The following TRIM71 variants were observed in gnomAD, a reference collection of about 807,000 sequenced individuals.
The protein encoded by TRIM71 is tripartite motif containing 71.
Under a neutral mutation model 61.2 loss-of-function variants are expected in TRIM71, and 9 were observed. That is an observed-to-expected ratio of 0.15 (90% CI 0.09 to 0.26). TRIM71 has a LOEUF of 0.26. TRIM71 is among the 10% of genes least tolerant of loss of function. The probability of loss-of-function intolerance (pLI) is 1.00; values close to 1 mark genes in which losing one functional copy is unlikely to be tolerated. For synonymous variants in TRIM71, 645 were observed against 553.2 expected, an observed-to-expected ratio of 1.17 and a Z score of -2.33; for missense variants, 998 against 1,238.7, an observed-to-expected ratio of 0.81 and a Z score of 2.92.
intron 1 of TRIM71, among the ~76,000 whole-genome samples, chr3:32,872,059 A>T (rs1267495535): frequency 6.6e-6 from 1 of 152,152 alleles, no homozygotes; most frequent in Non-Finnish European, 1.5e-5. Flanking sequence ...AGGCAGGAGA[A>T]TGGCATGAAC....
chr3:32,870,615 C>T (rs1029074810), intron 1 of TRIM71, among the ~76,000 whole-genome samples: 1 of 152,132 alleles, frequency 6.6e-6, no homozygotes, highest in Non-Finnish European at 1.5e-5. Context: ...CTGTTCTGAC[C>T]AGGATTTTTT....
At position 32,890,156 on chromosome 3, in the gene TRIM71, T is replaced by C. The variant is rs1348238096; in HGVS notation, c.1156-204T>C. ...ATAGTTGTCCTGTTTCTAGTAACTA[T>C]CCTCTGTAACCCAGAACAGTTCTTC... On this transcript the variant is annotated intron_variant, in intron 3 of 3. Coordinates refer to ENST00000383763, the MANE Select transcript of TRIM71 (RefSeq NM_001039111.3). This position sits in a 1 kb window ranked among gnomAD's most constrained non-coding sequence, Gnocchi z 6.2. Among the ~76,000 whole-genome samples, 1 of 152,222 alleles carries C rather than the reference T, an allele frequency of 6.6e-6. No individual in the cohort carries two copies. Among genetic ancestry groups the C allele is most frequent in the Admixed American group, 6.5e-5 (1 of 15,282 alleles).
intron 1 of TRIM71, among the ~76,000 whole-genome samples, chr3:32,827,282 T>G (rs1278541572): frequency 6.6e-6 from 1 of 151,242 alleles, no homozygotes; most frequent in Non-Finnish European, 1.5e-5. Flanking sequence ...TTTTTTTTTT[T>G]GGGTGGAGTC....
chr3:32,832,869 G>A (rs1006832794), intron 1 of TRIM71, among the ~76,000 whole-genome samples: 8 of 151,978 alleles, frequency 5.3e-5, no homozygotes, highest in Non-Finnish European at 1.2e-4. Context: ...TTAATTAATA[G>A]GTAATATAAA....
At chr3:32,821,852 C>G (rs1030871742) in intron 1 of TRIM71, among the ~76,000 whole-genome samples, 11 of 151,742 alleles carry the variant, frequency 7.2e-5, no homozygotes, top group East Asian at 1.9e-4. Flanking sequence ...GAGCCTGCCT[C>G]GGCTCTGGGG....
At chr3:32,851,424 T>C (rs1696537277) in intron 1 of TRIM71, among the ~76,000 whole-genome samples, 1 of 152,212 alleles carries the variant, frequency 6.6e-6, no homozygotes, top group African/African-American at 2.4e-5. Context: ...AGCGTTGTCC[T>C]CCTCACCTTT....
intron 1 of TRIM71, among the ~76,000 whole-genome samples, chr3:32,839,666 G>A (rs570631756): frequency 2.2e-5 from 3 of 136,752 alleles, no homozygotes; most frequent in African/African-American, 7.9e-5. Context: ...TTTTTTGGGG[G>A]GGGGGTGGGG....
At position 32,833,184 on chromosome 3, in the gene TRIM71, TAAAAAAA is replaced by T. The variant is rs1182178339; in HGVS notation, c.852+14274_852+14280del. 1.1e-3 allele frequency among the ~76,000 whole-genome samples: 62 copies of T among 54,432 alleles called. 2 individuals are homozygous for T. Among genetic ancestry groups the T allele is most frequent in the Middle Eastern group, 0.013 (1 of 80 alleles). The allele number at this position is 54,432 out of a possible 152,430, so 35.7% of individuals were successfully genotyped here. On this transcript the variant is annotated intron_variant, in intron 1 of 3. Transcript: ENST00000383763. ...GGTGACAAGAATGAAACTCTGTCTT[TAAAAAAA>T]AAAAAAAAAAAAAAAAAAAAAGAGG...
intron 1 of TRIM71, among the ~76,000 whole-genome samples, chr3:32,833,634 TTTTA>T (rs572371235): frequency 0.064 from 9,334 of 146,730 alleles, 660 homozygotes; most frequent in African/African-American, 0.18. Flanking sequence ...GAGAATGCTT[TTTTA>T]TTTATTTATT....
At chr3:32,884,003 A>AC (rs1696934944) in intron 2 of TRIM71, among the ~76,000 whole-genome samples, 1 of 152,210 alleles carries the variant, frequency 6.6e-6, no homozygotes, top group African/African-American at 2.4e-5. Context: ...CTCTGGATCT[A>AC]CCCAGTTCCC....
chr3:32,854,519 A>G (rs1294773061), intron 1 of TRIM71, among the ~76,000 whole-genome samples: 1 of 152,164 alleles, frequency 6.6e-6, no homozygotes, highest in East Asian at 1.9e-4. Context: ...TCCATGAATG[A>G]GATTTTGATG....
In TRIM71 at chr3:32,890,711, G is replaced by A; in HGVS notation, c.1507G>A (p.Ala503Thr). ...CAAGCGTGCCCTCCAGGGTAAGGTG[G>A]CCTCCTTCACAGTCATTGGTTATGA... Reference protein sequence around the residue: ...GLKRALQGKVASFTVIGYDHD... With the variant: ...GLKRALQGKVTSFTVIGYDHD... The change falls in exon 4 of 4, where the codon GCC (alanine) becomes ACC (threonine). Residue 503 changes from alanine to threonine, a missense_variant. Coordinates refer to ENST00000383763, the MANE Select transcript of TRIM71 (RefSeq NM_001039111.3). This position sits in a 1 kb window ranked among gnomAD's most constrained non-coding sequence, Gnocchi z 6.2. 1 of 1,614,070 alleles carries A rather than the reference G, an allele frequency of 6.2e-7. No individual in the cohort carries two copies. The highest frequency in any genetic ancestry group is 8.5e-7 in the Non-Finnish European group (1 of 1,180,034).
intron 1 of TRIM71, among the ~76,000 whole-genome samples, chr3:32,856,528 A>G (rs1471103158): frequency 6.6e-6 from 1 of 152,142 alleles, no homozygotes; most frequent in Non-Finnish European, 1.5e-5. Flanking sequence ...AATGTACTGG[A>G]TGTTAAAAAT....
chr3:32,878,624 A>AAATG (rs140084109), intron 2 of TRIM71, among the ~76,000 whole-genome samples: 14,750 of 152,210 alleles, frequency 0.097, 1,550 homozygotes, highest in African/African-American at 0.27. Flanking sequence ...TCAAAAAAAT[A>AAATG]AATGAATAAA....
intron 2 of TRIM71, among the ~76,000 whole-genome samples, chr3:32,880,802 G>C (rs941775101): frequency 5.3e-5 from 8 of 152,138 alleles, no homozygotes; most frequent in African/African-American, 1.7e-4. Flanking sequence ...AAGGTAAACT[G>C]ATTTGCTGGG....
chr3:32,821,293 TA>T (rs1364085186), intron 1 of TRIM71, among the ~76,000 whole-genome samples: 1 of 152,192 alleles, frequency 6.6e-6, no homozygotes, highest in Non-Finnish European at 1.5e-5. Context: ...CCTCAATTTT[TA>T]AGATGAGCTC....
At position 32,874,781 on chromosome 3, in the gene TRIM71, C is replaced by G. The variant is rs565336911; in HGVS notation, c.1020+796C>G. On this transcript the variant is annotated intron_variant, in intron 2 of 3. Coordinates refer to ENST00000383763, the MANE Select transcript of TRIM71 (RefSeq NM_001039111.3). The stretch of plus-strand genomic sequence containing the variant: ...TCAGGTGATACACCTGCCTCAGCCT[C>G]CCAAAGTACTGGGAGCTACTGAGCC... Among the ~76,000 whole-genome samples the G allele has an allele frequency of 2.7e-3, 408 of 151,998 alleles. 1 individual carries two copies. Among genetic ancestry groups the G allele is most frequent in the Non-Finnish European group, 4.0e-3 (269 of 67,962 alleles).
At chr3:32,865,789 CCGG>C (rs1423855718) in intron 1 of TRIM71, among the ~76,000 whole-genome samples, 1 of 3,238 alleles carries the variant, frequency 3.1e-4, no homozygotes, top group African/African-American at 5.1e-4. Flanking sequence ...TTGCCGCCCG[CCGG>C]CCCCCCCCCC....
At chr3:32,873,643 A>G (rs1376015743) in intron 1 of TRIM71, among the ~76,000 whole-genome samples, 175 bp from the exon 2 acceptor site, 1 of 152,150 alleles carries the variant, frequency 6.6e-6, no homozygotes, top group African/African-American at 2.4e-5. Context: ...AAAAGGAAGC[A>G]GATATTTTTA....
Sources: allele counts gnomAD v4.1 joint callset (sites outside exome capture counted in the v4.1 genomes callset), GRCh38; gene constraint gnomAD v4.1.1; non-coding constraint Gnocchi (gnomAD v3.1); transcripts MANE v1.5; gene names NCBI Gene and HGNC (gene_info 2026-07-23, HGNC 2026-07-21).